Variants in ANKFN1 observed in about 807,000 individuals in gnomAD.
ANKFN1 encodes ankyrin repeat and fibronectin type III domain containing 1.
In ANKFN1, 74 loss-of-function variants were observed where a neutral mutation model predicts 108.7. The ratio of observed to expected loss-of-function variants is 0.68; its 90% CI spans 0.56 to 0.83. ANKFN1 has a LOEUF of 0.83. Ranked by LOEUF, ANKFN1 falls within the 40% of genes least tolerant of loss-of-function variation. The pLI is 0.00. For synonymous variants in ANKFN1, 547 were observed against 516.2 expected (o/e 1.06, Z -0.81); for missense variants, 1,505 against 1,382.3 (o/e 1.09, Z -1.41).
chr17:56,374,522 G>A (rs1029601619), intron 7 of ANKFN1, 79 bp from the exon 8 acceptor site: 11 of 1,018,960 alleles, frequency 1.1e-5, no homozygotes, highest in Non-Finnish European at 1.7e-5. Context: ...TCATTTCAGG[G>A]TATCCTTTGA....
upstream of ANKFN1, among the ~76,000 whole-genome samples, chr17:56,152,260 A>ATG (rs747513318): frequency 0.035 from 4,460 of 128,488 alleles, 106 homozygotes; most frequent in African/African-American, 0.082. Flanking sequence ...ATATATATAT[A>ATG]TATGTGTGTG....
chr17:56,382,577 A>G (rs1458424766), intron 8 of ANKFN1, among the ~76,000 whole-genome samples: 6 of 152,322 alleles, frequency 3.9e-5, no homozygotes, highest in East Asian at 1.9e-4. Flanking sequence ...CTGTATTCAT[A>G]AAACCCATCT....
intron 1 of ANKFN1, among the ~76,000 whole-genome samples, chr17:56,153,942 T>C (rs1271376974): frequency 2.0e-5 from 3 of 152,224 alleles, no homozygotes; most frequent in Non-Finnish European, 4.4e-5. Context: ...GTCTCCCACA[T>C]GGATTCTCTC....
intron 3 of ANKFN1, among the ~76,000 whole-genome samples, chr17:56,263,783 A>G (rs2043579503): frequency 6.6e-6 from 1 of 152,228 alleles, no homozygotes; most frequent in Admixed American, 6.5e-5. Flanking sequence ...CCAACTGTTT[A>G]TTTGAGCAGT....
intron 4 of ANKFN1, among the ~76,000 whole-genome samples, chr17:56,097,966 A>G (rs1436666922): frequency 6.6e-6 from 1 of 152,228 alleles, no homozygotes; most frequent in African/African-American, 2.4e-5. Context: ...GTTATCTTCT[A>G]TAGAAAAGAT....
chr17:56,144,827 G>A (rs1369011342), intron 4 of ANKFN1, among the ~76,000 whole-genome samples: 1 of 152,164 alleles, frequency 6.6e-6, no homozygotes, highest in Admixed American at 6.5e-5. Context: ...GCAGACCCAG[G>A]GACCACTGCC....
chr17:56,204,018 G>A (rs1014481338), intron 1 of ANKFN1, among the ~76,000 whole-genome samples: 14 of 151,888 alleles, frequency 9.2e-5, no homozygotes, highest in Admixed American at 2.0e-4. Flanking sequence ...GGCACTGTTT[G>A]TTTGTTTGTT....
chr17:56,227,976 T>C lies in ANKFN1; in HGVS notation c.53+19T>C, dbSNP rs765373189. On this transcript the variant is annotated intron_variant, in intron 3 of 20. Coordinates refer to ENST00000682825, the MANE Select transcript of ANKFN1 (RefSeq NM_001370326.1). ...GCAAAATGTAAGTACATTTCCTCCT[T>C]GAAATGGTATCTACTTCTCAGCTGT... is the stretch of plus-strand genomic sequence containing the variant. 26 of 1,597,774 alleles carry C rather than the reference T, an allele frequency of 1.6e-5. No homozygotes were observed. Among genetic ancestry groups the C allele is most frequent in the Non-Finnish European group, 2.2e-5 (26 of 1,170,648 alleles).
intron 4 of ANKFN1, among the ~76,000 whole-genome samples, chr17:56,102,435 T>C (rs899511613): frequency 1.3e-5 from 2 of 152,218 alleles, no homozygotes; most frequent in Non-Finnish European, 2.9e-5. Flanking sequence ...GTTTAATAAA[T>C]TACATTTTAC....
intron 8 of ANKFN1, among the ~76,000 whole-genome samples, chr17:56,431,559 C>T (rs76178207): frequency 6.6e-6 from 1 of 152,116 alleles, no homozygotes; most frequent in African/African-American, 2.4e-5. Context: ...CAATCTGAGC[C>T]CCGATTCTGT....
At chr17:56,228,074 C>A in intron 3 of ANKFN1, 117 bp downstream of exon 3, 1 of 786,370 alleles carries the variant, frequency 1.3e-6, no homozygotes, top group Non-Finnish European at 2.0e-6. Flanking sequence ...GCTCAGCACA[C>A]ACAGCCAATC....
intron 6 of ANKFN1, among the ~76,000 whole-genome samples, chr17:56,360,759 A>G (rs1461581057): frequency 6.6e-6 from 1 of 152,178 alleles, no homozygotes; most frequent in Non-Finnish European, 1.5e-5. Flanking sequence ...CATGTCACCT[A>G]TTCTTTGAGT....
At chr17:56,153,746 T>G in intron 1 of ANKFN1, 1 of 637,832 alleles carries the variant, frequency 1.6e-6, no homozygotes, top group Admixed American at 2.8e-5. Context: ...TCTTTGTCTT[T>G]TGGGAGGTGG....
chr17:56,457,948 A>G lies in ANKFN1; in HGVS notation c.1526A>G (p.Gln509Arg), dbSNP rs2049769428. The G allele has an allele frequency of 6.2e-7, 1 of 1,614,152 alleles. No homozygotes were observed. Among genetic ancestry groups the G allele is most frequent in the Non-Finnish European group, 8.5e-7 (1 of 1,179,994 alleles). ...TCATCCACAGTGCTGCAAACTCGGC[A>G]GAAGATGCTCGCAGCAACAGCACAG... ...SSSSTVLQTR[Q>R]KMLAATAQLQ... The change falls in exon 14 of 21, where the codon CAG (glutamine) becomes CGG (arginine). Residue 509 changes from glutamine (Q) to arginine (R), a missense_variant. Physicochemically the swap from Gln to Arg is conservative, Grantham distance 43. Coordinates refer to ENST00000682825, the MANE Select transcript of ANKFN1 (RefSeq NM_001370326.1).
At chr17:56,503,042 C>T (rs528468532) in intron 20 of ANKFN1, among the ~76,000 whole-genome samples, 1 of 152,142 alleles carries the variant, frequency 6.6e-6, no homozygotes, top group Non-Finnish European at 1.5e-5. Flanking sequence ...CAGCTCAAGG[C>T]AGGGAGTGGA....
chr17:56,084,290 T>C (rs1026221426), intron 4 of ANKFN1, among the ~76,000 whole-genome samples: 1 of 151,322 alleles, frequency 6.6e-6, no homozygotes, highest in Admixed American at 6.6e-5. Flanking sequence ...AGCAGTTGGA[T>C]GTTGTCACGG....
chr17:56,085,998 T>C (rs914708533), intron 4 of ANKFN1, among the ~76,000 whole-genome samples: 1 of 151,280 alleles, frequency 6.6e-6, no homozygotes, highest in Non-Finnish European at 1.5e-5. Flanking sequence ...AAAACATATA[T>C]AATTTAATAA....
chr17:56,419,092 T>A (rs886506725), intron 8 of ANKFN1, among the ~76,000 whole-genome samples: 1 of 152,212 alleles, frequency 6.6e-6, no homozygotes, highest in Non-Finnish European at 1.5e-5. Context: ...AACCAACTCA[T>A]CAGGTCAGAA....
intron 4 of ANKFN1, among the ~76,000 whole-genome samples, chr17:56,127,989 C>T (rs71387439): frequency 0.049 from 7,535 of 152,280 alleles, 262 homozygotes; most frequent in Middle Eastern, 0.12. Flanking sequence ...ATGAAACACA[C>T]CAAAACCAAG....
Sources: allele counts gnomAD v4.1 joint callset (sites outside exome capture counted in the v4.1 genomes callset), GRCh38; gene constraint gnomAD v4.1.1; transcripts MANE v1.5; gene names NCBI Gene and HGNC (gene_info 2026-07-23, HGNC 2026-07-21).